Variants in CDK14 observed in about 807,000 individuals in gnomAD.
CDK14 encodes the protein cyclin-dependent kinase 14.
In CDK14, 34 loss-of-function variants were observed where a neutral mutation model predicts 60.7. The observed-to-expected ratio is 0.56, with a 90% CI of 0.43 to 0.75. The LOEUF is 0.75. Ranked by LOEUF, CDK14 falls within the 30% of genes least tolerant of loss-of-function variation. CDK14 has a pLI of 0.00. For missense variants in CDK14, 482 were observed against 564.1 expected, an observed-to-expected ratio of 0.85 and a Z score of 1.47; for synonymous variants, 197 against 203.7, an observed-to-expected ratio of 0.97 and a Z score of 0.28.
At chr7:90,912,585 G>C (rs1484372674) in intron 7 of CDK14, among the ~76,000 whole-genome samples, 1 of 152,074 alleles carries the variant, frequency 6.6e-6, no homozygotes, top group Non-Finnish European at 1.5e-5. Flanking sequence ...TAAGTAATTT[G>C]TTGGGGGTTT....
At chr7:90,760,371 G>T (rs1804265565) in intron 4 of CDK14, among the ~76,000 whole-genome samples, 1 of 152,160 alleles carries the variant, frequency 6.6e-6, no homozygotes, top group Admixed American at 6.5e-5. Context: ...AAGAATTCTA[G>T]AAGTCAGTAA....
chr7:91,010,835 C>CCTT (rs1562867326), intron 10 of CDK14, among the ~76,000 whole-genome samples: 731 of 45,760 alleles, frequency 0.016, 1 homozygote, highest in African/African-American at 0.036. Flanking sequence ...CTTCCTTCCT[C>CCTT]CCTCCCTCCC....
intron 14 of CDK14, among the ~76,000 whole-genome samples, chr7:91,147,582 G>C (rs1800695605): frequency 6.6e-6 from 1 of 152,184 alleles, no homozygotes; most frequent in Non-Finnish European, 1.5e-5. Flanking sequence ...TGATTGGCGA[G>C]ACATGCCTTC....
Position 91,189,106 on chromosome 7 carries a change from CA to C in CDK14, c.*29-18055del, listed in dbSNP as rs1802276323. Among the ~76,000 whole-genome samples, 6 of 152,234 alleles carry C rather than the reference CA, an allele frequency of 3.9e-5. No individual in the cohort carries two copies. The South Asian group carries it at 1.2e-3, about 32-fold the overall frequency. ...ATAAATATCATTACAAAAAAATCAA[CA>C]AAATAATTTAATTTGGATGTAGTGT... On this transcript the variant is annotated intron_variant, in intron 14 of 14. Transcript: ENST00000380050.
chr7:90,804,310 G>T (rs1475543924), intron 5 of CDK14, among the ~76,000 whole-genome samples: 3 of 152,044 alleles, frequency 2.0e-5, no homozygotes, highest in Non-Finnish European at 4.4e-5. Flanking sequence ...TTACCAACAT[G>T]AATCTTTTAC....
chr7:90,696,555 TC>T (rs1221149261), intron 2 of CDK14, among the ~76,000 whole-genome samples: 3 of 152,072 alleles, frequency 2.0e-5, no homozygotes, highest in African/African-American at 7.2e-5. Context: ...CCTCAAGTGA[TC>T]CGCCCACCTC....
chr7:90,896,060 C>T (rs73225037), intron 6 of CDK14, among the ~76,000 whole-genome samples: 9,416 of 151,436 alleles, frequency 0.062, 408 homozygotes, highest in South Asian at 0.094. Context: ...TGCATTGATC[C>T]CTTCTCTCTC....
At chr7:91,145,468 A>G (rs1187444251) in intron 14 of CDK14, among the ~76,000 whole-genome samples, 2 of 152,166 alleles carry the variant, frequency 1.3e-5, no homozygotes, top group Non-Finnish European at 2.9e-5. Flanking sequence ...GACATTTTAC[A>G]TTTCTAGACA....
intron 5 of CDK14, among the ~76,000 whole-genome samples, chr7:90,860,321 A>G (rs1790964098): frequency 6.6e-6 from 1 of 151,920 alleles, no homozygotes; most frequent in Admixed American, 6.6e-5. Flanking sequence ...AATAAATAAT[A>G]TTTTGTAAAT....
At chr7:91,113,941 C>A (rs1799540482) in intron 13 of CDK14, among the ~76,000 whole-genome samples, 1 of 152,120 alleles carries the variant, frequency 6.6e-6, no homozygotes, top group South Asian at 2.1e-4. Context: ...GTATTTCCAG[C>A]CCATGTTTAC....
chr7:90,955,803 CT>C lies in CDK14; in HGVS notation c.934del (p.Cys312AlafsTer7). The C allele has an allele frequency of 6.2e-7, 1 of 1,613,172 alleles. No homozygotes were observed. Among genetic ancestry groups the C allele is most frequent in the Non-Finnish European group, 8.5e-7 (1 of 1,179,312 alleles). ...VLLGSTEYST[C>X]LDMWGVGCIF... The stretch of plus-strand genomic sequence containing the variant: ...TTCTAGGCTCAACAGAATATTCCAC[CT>C]GCCTTGACATGTGGTGAGAAATGGA... On this transcript the variant is annotated frameshift_variant, in exon 9 of 15. Transcript: ENST00000380050. LOFTEE classifies it high-confidence loss of function.
At chr7:90,918,167 A>G (rs2117421097) in intron 8 of CDK14, among the ~76,000 whole-genome samples, 1 of 152,238 alleles carries the variant, frequency 6.6e-6, no homozygotes, top group East Asian at 1.9e-4. Flanking sequence ...AGAAACCTAA[A>G]TTTGAATGTC....
chr7:91,045,866 G>A, intron 10 of CDK14, 31 bp from the exon 11 acceptor site: 1 of 1,419,922 alleles, frequency 7.0e-7, no homozygotes, highest in Non-Finnish European at 1.0e-6. Context: ...AAATAATAAG[G>A]CTGTTTCCAC....
intron 10 of CDK14, among the ~76,000 whole-genome samples, chr7:91,043,387 G>A (rs901327506): frequency 1.3e-5 from 2 of 152,236 alleles, no homozygotes; most frequent in Non-Finnish European, 2.9e-5. Flanking sequence ...CTTTTGAGCT[G>A]ACATTTCCTC....
In CDK14 at chr7:90,898,745, A is replaced by C. The variant is rs542294422; in HGVS notation, c.640-546A>C. Among the ~76,000 whole-genome samples the C allele has an allele frequency of 6.6e-5, 10 of 152,128 alleles. No individual in the cohort carries two copies. In the South Asian group the frequency reaches 2.1e-3, roughly 32 times the overall value. ...ATATTTATCTTAATTTTTAATTTTG[A>C]AGATGTTTCTGTTAATTTATGAAGC... On this transcript the variant is annotated intron_variant, in intron 6 of 14. Coordinates refer to ENST00000380050, the MANE Select transcript of CDK14 (RefSeq NM_001287135.2).
chr7:90,645,628 TC>T (rs1390996869), intron 2 of CDK14, among the ~76,000 whole-genome samples: 1 of 152,130 alleles, frequency 6.6e-6, no homozygotes, highest in Non-Finnish European at 1.5e-5. Flanking sequence ...TCTCACTCTG[TC>T]ATCAGTCTTT....
At chr7:91,099,208 A>C (rs1799091163) in intron 12 of CDK14, among the ~76,000 whole-genome samples, 1 of 152,146 alleles carries the variant, frequency 6.6e-6, no homozygotes, top group Non-Finnish European at 1.5e-5. Context: ...CAGATGCGCC[A>C]ATAAGTTACA....
intron 6 of CDK14, among the ~76,000 whole-genome samples, chr7:90,879,655 T>G (rs1791676740): frequency 6.6e-6 from 1 of 152,114 alleles, no homozygotes; most frequent in Non-Finnish European, 1.5e-5. Flanking sequence ...AATGACAGGT[T>G]GATGGTACAG....
intron 6 of CDK14, among the ~76,000 whole-genome samples, chr7:90,880,466 GC>G (rs1230212671): frequency 6.6e-6 from 1 of 152,180 alleles, no homozygotes; most frequent in African/African-American, 2.4e-5. Flanking sequence ...GGGAGGAGTG[GC>G]CGCAGTCTCT....
Sources: allele counts gnomAD v4.1 joint callset (sites outside exome capture counted in the v4.1 genomes callset), GRCh38; gene constraint gnomAD v4.1.1; transcripts MANE v1.5; gene names NCBI Gene and HGNC (gene_info 2026-07-23, HGNC 2026-07-21).